The following ESRRG variants were observed in gnomAD, a reference collection of about 807,000 sequenced individuals.
ESRRG encodes estrogen-related receptor gamma.
ESRRG carries 13 observed loss-of-function variants against 44.0 expected under a neutral mutation model. That is an observed-to-expected ratio of 0.30 (90% CI 0.19 to 0.47). The LOEUF (loss-of-function observed/expected upper bound fraction) is 0.47, where lower values mean the gene tolerates loss of function less well. ESRRG is among the 20% of genes least tolerant of loss of function. The probability of loss-of-function intolerance (pLI) is 1.00; values close to 1 mark genes in which losing one functional copy is unlikely to be tolerated. For synonymous variants in ESRRG, 215 were observed against 214.6 expected (o/e 1.00, Z -0.02); for missense variants, 395 against 580.6 (o/e 0.68, Z 3.29).
At chr1:216,576,810 C>T (rs995436169) in intron 3 of ESRRG, among the ~76,000 whole-genome samples, 5 of 151,960 alleles carry the variant, frequency 3.3e-5, no homozygotes, top group Admixed American at 6.6e-5. Flanking sequence ...ATGACACATA[C>T]AAGTACAAAT....
intron 3 of ESRRG, among the ~76,000 whole-genome samples, chr1:216,619,347 G>T (rs1330994122): frequency 6.6e-6 from 1 of 152,130 alleles, no homozygotes; most frequent in Non-Finnish European, 1.5e-5. Context: ...GCAAAGAAAA[G>T]ACATCATTGG....
chr1:216,623,077 CTT>C (rs370657704), intron 3 of ESRRG, among the ~76,000 whole-genome samples: 2 of 88,660 alleles, frequency 2.3e-5, no homozygotes, highest in African/African-American at 9.0e-5. Flanking sequence ...AATCATTAAA[CTT>C]TTTTTTTTTT....
chr1:217,109,909 A>G (rs2092642192), intron 1 of ESRRG, among the ~76,000 whole-genome samples: 1 of 152,210 alleles, frequency 6.6e-6, no homozygotes, highest in Non-Finnish European at 1.5e-5. Context: ...TGGCTTCCAG[A>G]GCACACCATA....
intron 3 of ESRRG, among the ~76,000 whole-genome samples, chr1:216,621,546 C>G (rs994892309): frequency 7.2e-5 from 11 of 152,178 alleles, no homozygotes; most frequent in African/African-American, 2.7e-4. Context: ...CTCCTCATCT[C>G]TAGTCAACAT....
At chr1:216,882,767 A>AT (rs1216988348) in intron 2 of ESRRG, among the ~76,000 whole-genome samples, 1 of 152,220 alleles carries the variant, frequency 6.6e-6, no homozygotes, top group Non-Finnish European at 1.5e-5. Context: ...GTAGCATTAA[A>AT]AATGATCTCA....
At position 216,732,697 on chromosome 1, in the gene ESRRG, C is replaced by T. The variant is rs143916911; in HGVS notation, c.-13-55206G>A. Among the ~76,000 whole-genome samples, 222 of 151,736 alleles carry T rather than the reference C, an allele frequency of 1.5e-3. 2 individuals are homozygous for T. Among genetic ancestry groups the T allele is most frequent in the African/African-American group, 4.6e-3 (192 of 41,364 alleles). ...CGTGCACATGTAGTCCCAGCTACTC[C>T]GGAGGCTAAGGGAGGAGGATTGCTG... On this transcript the variant is annotated intron_variant, in intron 2 of 7. Transcript: ENST00000359162.
At chr1:217,110,656 G>A (rs562710732) in intron 1 of ESRRG, among the ~76,000 whole-genome samples, 41 of 152,090 alleles carry the variant, frequency 2.7e-4, no homozygotes, top group Non-Finnish European at 5.4e-4. Context: ...AGGATGAGGT[G>A]CCACACACTT....
chr1:216,860,189 TG>T (rs2096025098), intron 2 of ESRRG, among the ~76,000 whole-genome samples: 1 of 152,102 alleles, frequency 6.6e-6, no homozygotes, highest in South Asian at 2.1e-4. Flanking sequence ...TGCTTAAACC[TG>T]GGAGGCAGTG....
intron 2 of ESRRG, among the ~76,000 whole-genome samples, chr1:216,740,640 A>C (rs2152220609): frequency 6.6e-6 from 1 of 152,136 alleles, no homozygotes; most frequent in Non-Finnish European, 1.5e-5. Flanking sequence ...TAAAAAAAAA[A>C]AGAAGAAAGA....
chr1:216,533,044 A>G (rs2049876420), intron 5 of ESRRG, among the ~76,000 whole-genome samples: 1 of 152,168 alleles, frequency 6.6e-6, no homozygotes, highest in Non-Finnish European at 1.5e-5. Flanking sequence ...TGTTTTCACT[A>G]TCTTTTCTTT....
At chr1:216,876,976 A>ATATG (rs139748869) in intron 2 of ESRRG, among the ~76,000 whole-genome samples, 1 of 145,366 alleles carries the variant, frequency 6.9e-6, no homozygotes, top group African/African-American at 2.5e-5. Context: ...CTCTTCACTA[A>ATATG]TGTGTGTGTG....
chr1:216,638,595 T>C (rs1316194437), intron 3 of ESRRG, among the ~76,000 whole-genome samples: 3 of 152,154 alleles, frequency 2.0e-5, no homozygotes, highest in African/African-American at 7.2e-5. Flanking sequence ...TGCTAAACAG[T>C]ATGAAACTGA....
chr1:216,507,314 G>T, intron 6 of ESRRG, 131 bp from the exon 7 acceptor site: 1 of 557,696 alleles, frequency 1.8e-6, no homozygotes, highest in Non-Finnish European at 3.0e-6. Context: ...GATTTGTTCA[G>T]AGTCTTGCAT....
chr1:216,943,965 T>A (rs1260586292), intron 1 of ESRRG, among the ~76,000 whole-genome samples: 1 of 152,162 alleles, frequency 6.6e-6, no homozygotes, highest in Non-Finnish European at 1.5e-5. Flanking sequence ...GCCAGGAAAC[T>A]TGCTCTATTA....
At chr1:216,587,635 T>C (rs796790163) in intron 3 of ESRRG, among the ~76,000 whole-genome samples, 9 of 152,308 alleles carry the variant, frequency 5.9e-5, no homozygotes, top group African/African-American at 2.2e-4. Flanking sequence ...CTTCCCCCTC[T>C]TAGAAAAGCA....
chr1:216,866,655 T>C (rs2096168544), intron 2 of ESRRG, among the ~76,000 whole-genome samples: 2 of 151,992 alleles, frequency 1.3e-5, no homozygotes, highest in Non-Finnish European at 2.9e-5. Context: ...ATTGCAGTCT[T>C]GACCTCCTAG....
chr1:216,829,620 T>C (rs935846585), intron 2 of ESRRG, among the ~76,000 whole-genome samples: 1 of 150,666 alleles, frequency 6.6e-6, no homozygotes, highest in Non-Finnish European at 1.5e-5. Context: ...AGTGGCGCCA[T>C]CTTGGCTCAC....
chr1:217,107,247 G>A (rs1580593348), intron 1 of ESRRG, among the ~76,000 whole-genome samples: 1 of 152,170 alleles, frequency 6.6e-6, no homozygotes, highest in East Asian at 1.9e-4. Context: ...TGTTCCTTCG[G>A]ACGCTTGGAT....
At chr1:216,647,860 G>C (rs1380609899) in intron 3 of ESRRG, among the ~76,000 whole-genome samples, 2 of 152,164 alleles carry the variant, frequency 1.3e-5, no homozygotes, top group Non-Finnish European at 2.9e-5. Flanking sequence ...TTAAAGGAGA[G>C]AAAGTTCCCA....
Sources: gnomAD v4.1 joint callset for allele counts (sites outside exome capture counted in the v4.1 genomes callset) on GRCh38, gnomAD v4.1.1 for gene constraint, MANE v1.5 for transcripts, NCBI Gene and HGNC (gene_info 2026-07-23, HGNC 2026-07-21) for gene names.